The following PRPF18 variants were observed in gnomAD, a reference collection of about 807,000 sequenced individuals.
The protein encoded by PRPF18 is pre-mRNA-splicing factor 18.
PRPF18 carries 38 observed loss-of-function variants against 46.5 expected under a neutral mutation model. That is an observed-to-expected ratio of 0.82 (90% CI 0.63 to 1.07). The LOEUF is 1.07. PRPF18 is among the 50% of genes least tolerant of loss of function. The probability of loss-of-function intolerance (pLI) is 0.00; values close to 1 mark genes in which losing one functional copy is unlikely to be tolerated. For missense variants in PRPF18, 263 were observed against 410.0 expected, an observed-to-expected ratio of 0.64 and a Z score of 3.10; for synonymous variants, 152 against 146.7, an observed-to-expected ratio of 1.04 and a Z score of -0.26.
chr10:13,609,938 G>A (rs1360328158), intron 4 of PRPF18, 101 bp from the exon 5 acceptor site: 1 of 1,283,852 alleles, frequency 7.8e-7, no homozygotes, highest in African/African-American at 1.5e-5. Flanking sequence ...CTCTTCTTGT[G>A]GGGGAAAAAA....
the PRPF18 span, chr10:13,638,726 G>A: frequency 0.81 from 122,892 of 152,060 alleles, 49,791 homozygotes; most frequent in East Asian, 0.85. Flanking sequence ...AATGATGCCC[G>A]TATGCACTGA....
intron 4 of PRPF18, among the ~76,000 whole-genome samples, chr10:13,606,855 T>C (rs1354807565): frequency 1.3e-5 from 2 of 152,064 alleles, no homozygotes; most frequent in African/African-American, 4.8e-5. Flanking sequence ...GGGAGATACC[T>C]AGAAGTAGAA....
intron 1 of PRPF18, among the ~76,000 whole-genome samples, chr10:13,596,881 A>T (rs1361105227): frequency 6.6e-6 from 1 of 152,016 alleles, no homozygotes; most frequent in Non-Finnish European, 1.5e-5. Flanking sequence ...AAAAACGCAC[A>T]AAAAACCCCA....
intron 1 of PRPF18, among the ~76,000 whole-genome samples, chr10:13,587,583 G>A (rs1010962171): frequency 3.9e-5 from 6 of 152,224 alleles, no homozygotes; most frequent in Non-Finnish European, 8.8e-5. Context: ...CCCTGCATTG[G>A]CCGTGGGCCA....
At chr10:13,603,265 C>T (rs2080140172) in intron 3 of PRPF18, among the ~76,000 whole-genome samples, 1 of 151,700 alleles carries the variant, frequency 6.6e-6, no homozygotes, top group Non-Finnish European at 1.5e-5. Flanking sequence ...CACTGATGTC[C>T]CTTTAGTCTC....
At chr10:13,651,635 T>C in the PRPF18 span, 79 of 403,572 alleles carry the variant, frequency 2.0e-4, no homozygotes, top group African/African-American at 1.5e-3. Flanking sequence ...ATCATGCCAC[T>C]GCACTCCAGC....
the PRPF18 span, chr10:13,651,719 A>AATATCATAATTTTGATGTAAGAACC: frequency 1.6e-6 from 1 of 607,714 alleles, no homozygotes; most frequent in Non-Finnish European, 3.0e-6. Context: ...CAGTGTTAGG[A>AATATCATAATTTTGATGTAAGAACC]ATATCATAAT....
At chr10:13,636,420 A>G in the PRPF18 span, among the ~76,000 whole-genome samples, 1 of 152,206 alleles carries the variant, frequency 6.6e-6, no homozygotes, top group Non-Finnish European at 1.5e-5. Flanking sequence ...CCGTGTCTCA[A>G]AAATAAGTAA....
chr10:13,600,135 A>C (rs1589121849), intron 2 of PRPF18, 109 bp from the exon 3 acceptor site: 1 of 833,496 alleles, frequency 1.2e-6, no homozygotes, highest in East Asian at 2.7e-5. Context: ...AATATTAGAA[A>C]ATCTTCAGTG....
chr10:13,610,969 T>C (rs995747446), intron 5 of PRPF18, among the ~76,000 whole-genome samples: 1 of 152,242 alleles, frequency 6.6e-6, no homozygotes, highest in African/African-American at 2.4e-5. Context: ...ATCATGTAAG[T>C]AGCATGTAAA....
intron 4 of PRPF18, among the ~76,000 whole-genome samples, chr10:13,608,411 G>T (rs538276646): frequency 5.3e-5 from 8 of 152,322 alleles, no homozygotes; most frequent in Admixed American, 5.2e-4. Context: ...TGGGCTGTCT[G>T]ACTGCTTTCT....
chr10:13,587,002 C>G lies in PRPF18; in HGVS notation c.-85C>G, dbSNP rs1210312956. On this transcript the variant is annotated 5_prime_UTR_variant, in exon 1 of 10. Transcript: ENST00000378572. Reference sequence around the variant, plus strand: ...GTGTTTGGGCTTGTTGTTCCGTATACTCAGTGGGTTCGCGGCCGCCGGCCC... The same window carrying G: ...GTGTTTGGGCTTGTTGTTCCGTATAGTCAGTGGGTTCGCGGCCGCCGGCCC... The G allele has an allele frequency of 1.5e-6, 2 of 1,371,320 alleles. No homozygotes were observed. The highest frequency in any genetic ancestry group is 2.1e-6 in the Non-Finnish European group (2 of 959,110). 84.9% of individuals were successfully genotyped at this position (1,371,320 alleles called of 1,614,324 possible). A position where few individuals can be genotyped will look rare whatever the true frequency, so the allele number is the denominator to read the frequency against.
At chr10:13,587,279 C>A in intron 1 of PRPF18, 127 bp downstream of exon 1, 1 of 1,006,746 alleles carries the variant, frequency 9.9e-7, no homozygotes, top group Non-Finnish European at 1.5e-6. Flanking sequence ...TGTCCTGCCA[C>A]TACCCCTGGT....
intron 9 of PRPF18, among the ~76,000 whole-genome samples, chr10:13,628,511 T>C (rs919047810): frequency 9.2e-5 from 14 of 152,242 alleles, no homozygotes; most frequent in African/African-American, 3.4e-4. Context: ...GTAAATGCTA[T>C]TTAAATAGTT....
At chr10:13,609,452 C>T (rs2080241092) in intron 4 of PRPF18, among the ~76,000 whole-genome samples, 1 of 152,208 alleles carries the variant, frequency 6.6e-6, no homozygotes, top group South Asian at 2.1e-4. Flanking sequence ...AGCCATGTTT[C>T]CTTGGCTCTT....
the PRPF18 span, chr10:13,648,797 AT>A: frequency 1.3e-5 from 2 of 152,176 alleles, no homozygotes; most frequent in Non-Finnish European, 2.9e-5. Context: ...TGTTGATGAA[AT>A]TTTTGTTTCT....
chr10:13,639,615 T>G, the PRPF18 span: 1 of 152,246 alleles, frequency 6.6e-6, no homozygotes, highest in Admixed American at 6.5e-5. Context: ...GCATAGATTT[T>G]AGAGGTCTCT....
Position 13,610,084 on chromosome 10 carries a change from C to T in PRPF18, c.409C>T (p.Gln137Ter), listed in dbSNP as rs1265522519. Reference sequence around the variant, plus strand: ...AGCAGCCTTGGATAAGATTGATCAGCAGTACCTCAATGAAATCGTCGGCGG... The same window carrying T: ...AGCAGCCTTGGATAAGATTGATCAGTAGTACCTCAATGAAATCGTCGGCGG... ...LKAALDKIDQ[Q>*]YLNEIVGGQE... Residue 137 changes from glutamine to a stop codon, truncating the protein, a stop_gained, in exon 5 of 10, where the codon CAG becomes TAG. Transcript: ENST00000378572. LOFTEE classifies it high-confidence loss of function. 2 of 1,613,562 alleles carry T rather than the reference C, an allele frequency of 1.2e-6. No individual in the cohort carries two copies. Among genetic ancestry groups the T allele is most frequent in the East Asian group, 2.2e-5 (1 of 44,880 alleles).
chr10:13,634,219 C>A (rs181561928), downstream of PRPF18, among the ~76,000 whole-genome samples: 227 of 152,300 alleles, frequency 1.5e-3, no homozygotes, highest in Non-Finnish European at 2.8e-3. Context: ...AAACTTTATA[C>A]AACTTGCTTA....
Sources: gnomAD v4.1 joint callset for allele counts (sites outside exome capture counted in the v4.1 genomes callset) on GRCh38, gnomAD v4.1.1 for gene constraint, MANE v1.5 for transcripts, NCBI Gene and HGNC (gene_info 2026-07-23, HGNC 2026-07-21) for gene names.